PLXDC2: variants seen among roughly 807,000 people sequenced by gnomAD.
PLXDC2 encodes plexin domain containing 2, also known as plexin domain-containing protein 2.
Under a neutral mutation model 68.9 loss-of-function variants are expected in PLXDC2, and 40 were observed. That is an observed-to-expected ratio of 0.58 (90% CI 0.45 to 0.76). The LOEUF (loss-of-function observed/expected upper bound fraction) is 0.76. Among genes scored for constraint, PLXDC2 ranks in the 30% least tolerant of loss-of-function variants. The probability of loss-of-function intolerance (pLI) is 0.00; values close to 1 mark genes in which losing one functional copy is unlikely to be tolerated. For missense variants in PLXDC2, 644 were observed against 661.9 expected, an observed-to-expected ratio of 0.97 and a Z score of 0.30; for synonymous variants, 243 against 234.2, an observed-to-expected ratio of 1.04 and a Z score of -0.34.
At chr10:20,100,121 A>G (rs1833403077) in intron 4 of PLXDC2, among the ~76,000 whole-genome samples, 2 of 152,190 alleles carry the variant, frequency 1.3e-5, no homozygotes, top group Non-Finnish European at 2.9e-5. Flanking sequence ...CAATAAGAGC[A>G]CAAACTTTAA....
intron 1 of PLXDC2, among the ~76,000 whole-genome samples, chr10:19,983,838 T>C (rs1211316256): frequency 6.6e-6 from 1 of 152,138 alleles, no homozygotes; most frequent in Non-Finnish European, 1.5e-5. Flanking sequence ...ATTTTAACTC[T>C]TAACAGTCCC....
intron 9 of PLXDC2, among the ~76,000 whole-genome samples, chr10:20,196,437 C>G (rs1184477142): frequency 6.6e-6 from 1 of 152,146 alleles, no homozygotes; most frequent in Non-Finnish European, 1.5e-5. Flanking sequence ...AATAAAATAA[C>G]TGACATTTGT....
chr10:20,223,555 C>T (rs1835246603), intron 12 of PLXDC2, among the ~76,000 whole-genome samples: 1 of 152,138 alleles, frequency 6.6e-6, no homozygotes, highest in East Asian at 1.9e-4. Context: ...TCAGGTGATC[C>T]ACCTGCCTTG....
chr10:20,203,179 G>C (rs1333801223), intron 9 of PLXDC2, among the ~76,000 whole-genome samples: 2 of 151,994 alleles, frequency 1.3e-5, no homozygotes, highest in Non-Finnish European at 2.9e-5. Flanking sequence ...AAAGCCAATT[G>C]CAAAAATCAT....
At chr10:20,072,411 G>T (rs535797321) in intron 4 of PLXDC2, among the ~76,000 whole-genome samples, 1 of 106,388 alleles carries the variant, frequency 9.4e-6, no homozygotes, top group Non-Finnish European at 1.8e-5. Flanking sequence ...AAGAAAGAAA[G>T]AGGAAAGAAA....
intron 12 of PLXDC2, among the ~76,000 whole-genome samples, chr10:20,238,653 C>T (rs1170375916): frequency 4.4e-5 from 1 of 22,900 alleles, no homozygotes; most frequent in African/African-American, 1.2e-4. Context: ...AAGACTCCAT[C>T]TCAAAAAAAA....
chr10:19,937,816 A>G (rs942137360), intron 1 of PLXDC2, among the ~76,000 whole-genome samples: 5 of 152,036 alleles, frequency 3.3e-5, no homozygotes, highest in African/African-American at 4.8e-5. Context: ...TCAGATGGAC[A>G]TATGAGAAAG....
intron 1 of PLXDC2, among the ~76,000 whole-genome samples, chr10:19,927,477 G>A (rs535188467): frequency 2.6e-5 from 4 of 152,056 alleles, no homozygotes; most frequent in East Asian, 1.9e-4. Context: ...CAAGTCAGGC[G>A]GATCAAGAAG....
At chr10:20,089,166 A>C (rs568284777) in intron 4 of PLXDC2, among the ~76,000 whole-genome samples, 1 of 139,314 alleles carries the variant, frequency 7.2e-6, no homozygotes, top group South Asian at 2.4e-4. Flanking sequence ...AAACCTGTAT[A>C]TACGTGTGTG....
intron 13 of PLXDC2, among the ~76,000 whole-genome samples, chr10:20,249,758 T>C (rs1835649278): frequency 1.3e-5 from 2 of 152,116 alleles, no homozygotes; most frequent in Non-Finnish European, 2.9e-5. Context: ...GGGAGGCCAT[T>C]ATTCTGTTGA....
At chr10:19,955,074 A>AATT (rs1554848335) in intron 1 of PLXDC2, among the ~76,000 whole-genome samples, 126 of 99,292 alleles carry the variant, frequency 1.3e-3, no homozygotes, top group African/African-American at 4.8e-3. Context: ...CCTTTCACTG[A>AATT]TTTTTTTTTT....
At chr10:19,917,199 G>T (rs181017694) in intron 1 of PLXDC2, among the ~76,000 whole-genome samples, 276 of 152,234 alleles carry the variant, frequency 1.8e-3, no homozygotes, top group African/African-American at 6.4e-3. Context: ...GCAGTGCGGT[G>T]TGAGAAAGAA....
At chr10:19,853,224 T>C (rs1411646523) in intron 1 of PLXDC2, among the ~76,000 whole-genome samples, 1 of 152,190 alleles carries the variant, frequency 6.6e-6, no homozygotes, top group East Asian at 1.9e-4. Flanking sequence ...GTTCTTACAT[T>C]AAGTATCACA....
chr10:19,831,014 T>G (rs1401850932), intron 1 of PLXDC2, among the ~76,000 whole-genome samples: 2 of 152,148 alleles, frequency 1.3e-5, no homozygotes, highest in East Asian at 1.9e-4. Context: ...TTGTTTGTTT[T>G]TTTGCTTGTT....
intron 9 of PLXDC2, among the ~76,000 whole-genome samples, chr10:20,180,227 TA>T (rs890967560): frequency 6.6e-6 from 1 of 151,828 alleles, no homozygotes; most frequent in African/African-American, 2.4e-5. Context: ...AGAACGCTAC[TA>T]AAAAAAACTA....
At chr10:20,104,023 G>A (rs1833458269) in intron 4 of PLXDC2, among the ~76,000 whole-genome samples, 1 of 152,170 alleles carries the variant, frequency 6.6e-6, no homozygotes, top group Non-Finnish European at 1.5e-5. Context: ...CTGAAGAAAG[G>A]AGTTGGCCTA....
chr10:20,044,259 T>A (rs1046451801), intron 2 of PLXDC2, among the ~76,000 whole-genome samples: 1 of 131,402 alleles, frequency 7.6e-6, no homozygotes. Flanking sequence ...CTTTCTTTCT[T>A]TCTTTCTTTC....
Position 20,046,917 on chromosome 10 carries a change from G to A in PLXDC2, c.373G>A (p.Asp125Asn). The A allele has an allele frequency of 1.2e-6, 2 of 1,612,624 alleles. No homozygotes were observed. Among genetic ancestry groups the A allele is most frequent in the Non-Finnish European group, 1.7e-6 (2 of 1,179,248 alleles). Residue 125 changes from aspartate to asparagine, a missense_variant, in exon 3 of 14, where the codon GAT becomes AAT. Around this residue, in one of 3 missense-constraint regions of PLXDC2, gnomAD observed 201 missense variants for 166.9 expected, o/e 1.20. Transcript: ENST00000377252. Reference protein sequence around the residue: ...YYISRIYGPSDSASRDLWVNI... With the variant: ...YYISRIYGPSNSASRDLWVNI... ...TATATCTCGAATATATGGTCCATCT[G>A]ATTCTGCCAGCCGGGATTTATGGGT...
At chr10:20,234,247 A>G (rs1835402852) in intron 12 of PLXDC2, among the ~76,000 whole-genome samples, 1 of 152,188 alleles carries the variant, frequency 6.6e-6, no homozygotes, top group Non-Finnish European at 1.5e-5. Flanking sequence ...ATATGCCCAC[A>G]CAGCAGAGTC....
Sources: allele counts gnomAD v4.1 joint callset (sites outside exome capture counted in the v4.1 genomes callset), GRCh38; gene constraint gnomAD v4.1.1; regional missense constraint gnomAD v4.1.1; transcripts MANE v1.5; gene names NCBI Gene and HGNC (gene_info 2026-07-23, HGNC 2026-07-21).